The following CORO1B variants were observed in gnomAD, a reference collection of about 807,000 sequenced individuals.
The protein encoded by CORO1B is coronin-1B.
Under a neutral mutation model 51.1 loss-of-function variants are expected in CORO1B, and 30 were observed. The ratio of observed to expected loss-of-function variants is 0.59; its 90% confidence interval spans 0.44 to 0.80. CORO1B has a LOEUF of 0.80. Among genes scored for constraint, CORO1B ranks in the 30% least tolerant of loss-of-function variants. The pLI, the probability that CORO1B is intolerant of heterozygous loss-of-function variation, is 0.00. For missense variants in CORO1B, 648 were observed against 700.4 expected, an observed-to-expected ratio of 0.93 and a Z score of 0.84; for synonymous variants, 310 against 289.7, an observed-to-expected ratio of 1.07 and a Z score of -0.71.
Position 67,436,587 on chromosome 11 carries a change from C to T in CORO1B, c.*1789G>A. ...CTCCCCCAACAGCTGCATTAAGCCACCTGCCTGGGGCCTTCGCACTGGCTG... is the reference window on the plus strand; with the variant it reads ...CTCCCCCAACAGCTGCATTAAGCCATCTGCCTGGGGCCTTCGCACTGGCTG... On this transcript the variant is annotated 3_prime_UTR_variant, in exon 11 of 11. Transcript: ENST00000341356. 1 of 446,368 alleles carries T rather than the reference C, an allele frequency of 2.2e-6. No individual in the cohort carries two copies. Among genetic ancestry groups the T allele is most frequent in the East Asian group, 3.6e-5 (1 of 28,120 alleles). The allele number at this position is 446,368 out of a possible 1,614,324, so 27.7% of individuals were successfully genotyped here. A position where few individuals can be genotyped will look rare whatever the true frequency, so the allele number is the denominator to read the frequency against.
intron 6 of CORO1B, chr11:67,440,716 C>G: frequency 1.5e-6 from 1 of 657,822 alleles, no homozygotes; most frequent in Non-Finnish European, 2.8e-6. Flanking sequence ...CTGTGGGGAG[C>G]TGGGGTGCCA....
At position 67,443,408 on chromosome 11, in the gene CORO1B, G is replaced by A; in HGVS notation, c.-7C>T. On this transcript the variant is annotated 5_prime_UTR_variant, in exon 1 of 11. Coordinates refer to ENST00000341356, the MANE Select transcript of CORO1B (RefSeq NM_020441.3). ...CCCCGGCCCTGCCGCGCTCACCGGG[G>A]GCACCGGGGGCGCAGGGGGCTGCGG... 1.0e-6 allele frequency: 1 copy of A among 962,924 alleles called. No individual in the cohort carries two copies. The highest frequency in any genetic ancestry group is 1.2e-6 in the Non-Finnish European group (1 of 809,018). The allele number at this position is 962,924 out of a possible 1,614,324, so 59.6% of individuals were successfully genotyped here.
intron 6 of CORO1B, 196 bp from the exon 7 acceptor site, chr11:67,440,635 C>T (rs141732031): frequency 3.7e-4 from 255 of 693,138 alleles, no homozygotes; most frequent in African/African-American, 3.4e-3. Context: ...TCCCAGGGTC[C>T]CTCTTTTCCA....
chr11:67,441,049 C>G, intron 6 of CORO1B, 76 bp downstream of exon 6: 1 of 1,606,528 alleles, frequency 6.2e-7, no homozygotes, highest in Non-Finnish European at 8.5e-7. Flanking sequence ...CACAGGCCTC[C>G]CCAGGGTGAA....
chr11:67,437,480 C>G lies in CORO1B; in HGVS notation c.*896G>C, dbSNP rs971304527. Reference sequence around the variant, plus strand: ...AGCTCAGGTGAGAGAAAGGTTCAGCCTCTGCCATACTCCTCTTAGGTCTCA... The same window carrying G: ...AGCTCAGGTGAGAGAAAGGTTCAGCGTCTGCCATACTCCTCTTAGGTCTCA... On this transcript the variant is annotated 3_prime_UTR_variant, in exon 11 of 11. Coordinates refer to ENST00000341356, the MANE Select transcript of CORO1B (RefSeq NM_020441.3). The G allele has an allele frequency of 9.4e-7, 1 of 1,065,946 alleles. No homozygotes were observed. The highest frequency in any genetic ancestry group is 2.9e-5 in the East Asian group (1 of 34,090). 66.0% of individuals were successfully genotyped at this position (1,065,946 alleles called of 1,614,324 possible). A position where few individuals can be genotyped will look rare whatever the true frequency, so the allele number is the denominator to read the frequency against.
intron 6 of CORO1B, 45 bp from the exon 7 acceptor site, chr11:67,440,484 C>T (rs373355481): frequency 1.3e-5 from 21 of 1,579,140 alleles, no homozygotes; most frequent in South Asian, 2.2e-5. Context: ...CTCCTCACCC[C>T]CTAATCCCAA....
intron 6 of CORO1B, 159 bp downstream of exon 6, chr11:67,440,966 G>C (rs1038507619): frequency 2.0e-6 from 2 of 1,023,270 alleles, no homozygotes; most frequent in African/African-American, 3.2e-5. Context: ...GGGCGAGCAG[G>C]GGGCAGGAGA....
At chr11:67,442,157 T>G (rs1041737087) in intron 2 of CORO1B, 69 bp from the exon 3 acceptor site, 6 of 1,581,904 alleles carry the variant, frequency 3.8e-6, no homozygotes, top group Non-Finnish European at 5.2e-6. Flanking sequence ...CTCCATGGAG[T>G]GGGAATGACA....
At position 67,437,621 on chromosome 11, in the gene CORO1B, G is replaced by T; in HGVS notation, c.*755C>A. 1 of 1,365,588 alleles carries T rather than the reference G, an allele frequency of 7.3e-7. No individual in the cohort carries two copies. Among genetic ancestry groups the T allele is most frequent in the South Asian group, 2.1e-5 (1 of 47,226 alleles). The allele number at this position is 1,365,588 out of a possible 1,614,324, so 84.6% of individuals were successfully genotyped here. ...CCGGGGGGCTCCGAGGCTTACCATT[G>T]GTCCGCAGGCCCCTCCGTGCCGGGC... On this transcript the variant is annotated 3_prime_UTR_variant, in exon 11 of 11. Coordinates refer to ENST00000341356, the MANE Select transcript of CORO1B (RefSeq NM_020441.3).
At position 67,438,665 on chromosome 11, in the gene CORO1B, G is replaced by A; in HGVS notation, c.1344+6C>T. On this transcript the variant is annotated splice_donor_region_variant and intron_variant, in intron 10 of 10. Coordinates refer to ENST00000341356, the MANE Select transcript of CORO1B (RefSeq NM_020441.3). The stretch of plus-strand genomic sequence containing the variant: ...CCCAGCACCACCCCTGCCTGCGCGT[G>A]CATACCCCGGCTCTGGCCAGGCTGC... The A allele has an allele frequency of 2.6e-6, 4 of 1,531,826 alleles. No homozygotes were observed. The highest frequency in any genetic ancestry group is 3.5e-6 in the Non-Finnish European group (4 of 1,140,474). 94.9% of individuals were successfully genotyped at this position (1,531,826 alleles called of 1,614,324 possible). A position where few individuals can be genotyped will look rare whatever the true frequency, so the allele number is the denominator to read the frequency against.
rs534512914 is a variant in CORO1B at position 67,438,110 on chromosome 11, G to A, written c.*266C>T. The A allele has an allele frequency of 2.9e-5, 12 of 415,434 alleles. No individual in the cohort carries two copies. The highest frequency in any genetic ancestry group is 1.8e-4 in the African/African-American group (9 of 49,326). The allele number at this position is 415,434 out of a possible 1,614,324, so 25.7% of individuals were successfully genotyped here. On this transcript the variant is annotated 3_prime_UTR_variant, in exon 11 of 11. Transcript: ENST00000341356. ...TAGAGCCCACCCTCCCGCCTCCTCT[G>A]GGGAGGGAGCAGAGGGCTGGGCAGT...
intron 6 of CORO1B, chr11:67,440,749 G>A (rs1227044940): frequency 1.5e-5 from 10 of 650,492 alleles, no homozygotes; most frequent in Non-Finnish European, 2.8e-5. Context: ...CCTGCTCAAG[G>A]TGCCCTGGAG....
intron 8 of CORO1B, 36 bp downstream of exon 8, chr11:67,440,082 G>C (rs1286409728): frequency 6.3e-7 from 1 of 1,578,502 alleles, no homozygotes; most frequent in Non-Finnish European, 8.6e-7. Context: ...CACCTTAGAT[G>C]CCCCTATCCC....
rs772122884 is a variant in CORO1B at position 67,442,107 on chromosome 11, A to G, written c.202-19T>C. 2.5e-6 allele frequency: 4 copies of G among 1,605,490 alleles called. No individual in the cohort carries two copies. In the African/African-American group the frequency reaches 4.0e-5, roughly 16 times the overall value. ...GGCCCGTCTGTGGGCACGAGGGGGC[A>G]GTCAGTGGGCTCCATCCCTCCCGAA... On this transcript the variant is annotated intron_variant, in intron 2 of 10. Coordinates refer to ENST00000341356, the MANE Select transcript of CORO1B (RefSeq NM_020441.3).
rs1443723661 is a variant in CORO1B at position 67,438,719 on chromosome 11, G to A, written c.1296C>T (p.Thr432=). 4 of 1,557,510 alleles carry A rather than the reference G, an allele frequency of 2.6e-6. No homozygotes were observed. Among genetic ancestry groups the A allele is most frequent in the South Asian group, 1.2e-5 (1 of 85,962 alleles). The change falls in exon 10 of 11, where the codon ACC becomes ACT. Residue 432 remains threonine, a synonymous_variant. Coordinates refer to ENST00000341356, the MANE Select transcript of CORO1B (RefSeq NM_020441.3). ...GSSHLGAPAS[T]TTAADATPSG... The stretch of plus-strand genomic sequence containing the variant: ...TGGGGGTGGCATCAGCAGCAGTGGT[G>A]GTGGAGGCGGGGGCCCCTAGGTGGG...
At chr11:67,443,797 T>G (rs2135150924), upstream of CORO1B, 1 of 985,264 alleles carries the variant, frequency 1.0e-6, no homozygotes, top group Non-Finnish European at 1.2e-6. Flanking sequence ...CATAATGGCA[T>G]CCGCAGGAGT....
rs1864422139 is a variant in CORO1B, at chr11:67,442,619, G to A, written c.10C>T (p.Arg4Cys). MSF[R>C]KVVRQSKFRH... is the part of the protein sequence containing the mutation. ...AATTTGCTCTGCCGGACCACTTTGC[G>A]GAAGGACATGTCTGCGGGACAGAGA... The change falls in exon 2 of 11, where the codon CGC (arginine) becomes TGC (cysteine). Residue 4 changes from arginine to cysteine, a missense_variant. Coordinates refer to ENST00000341356, the MANE Select transcript of CORO1B (RefSeq NM_020441.3). The A allele has an allele frequency of 6.2e-7, 1 of 1,613,424 alleles. No individual in the cohort carries two copies. The highest frequency in any genetic ancestry group is 8.5e-7 in the Non-Finnish European group (1 of 1,179,998).
chr11:67,441,224 C>G lies in CORO1B; in HGVS notation c.657G>C (p.Glu219Asp), dbSNP rs745370191. The change falls in exon 6 of 11, where the codon GAG (glutamate) becomes GAC (aspartate). Residue 219 changes from glutamate (E) to aspartate (D), a missense_variant. Glu to Asp is a conservative substitution (Grantham distance 45, BLOSUM62 2). Coordinates refer to ENST00000341356, the MANE Select transcript of CORO1B (RefSeq NM_020441.3). ...TLVAEREKAH[E>D]GARPMRAIFL... ...AGATGGCCCGCATGGGCCGGGCCCC[C>G]TCATGAGCCTTCTCCCGCTCCTGTC... is the stretch of plus-strand genomic sequence containing the variant. 4 of 1,613,040 alleles carry G rather than the reference C, an allele frequency of 2.5e-6. No homozygotes were observed. Among genetic ancestry groups the G allele is most frequent in the African/African-American group, 2.7e-5 (2 of 74,940 alleles).
Position 67,441,524 on chromosome 11 carries a change from G to T in CORO1B, c.455-10C>A. On this transcript the variant is annotated splice_polypyrimidine_tract_variant and intron_variant, in intron 4 of 10. Transcript: ENST00000341356. ...ACCACGTTGTCGCAGCCTGGCAGGT[G>T]AGGGTTGTCAGCTCGGGCCGGGTGG... The T allele has an allele frequency of 6.2e-7, 1 of 1,609,594 alleles. No individual in the cohort carries two copies. The highest frequency in any genetic ancestry group is 8.5e-7 in the Non-Finnish European group (1 of 1,177,508).
Sources: allele counts gnomAD v4.1 joint callset, GRCh38; gene constraint gnomAD v4.1.1; transcripts MANE v1.5; gene names NCBI Gene and HGNC (gene_info 2026-07-23, HGNC 2026-07-21).